MTMR3: variants seen among roughly 807,000 people sequenced by gnomAD.
MTMR3 encodes myotubularin related protein 3.
A neutral mutation model predicts 132.4 loss-of-function variants in MTMR3; 32 were observed. That is an observed-to-expected ratio of 0.24 (90% confidence interval 0.18 to 0.32). The LOEUF is 0.32. Ranked by LOEUF, MTMR3 falls within the 10% of genes least tolerant of loss-of-function variation. The pLI, the probability that MTMR3 is intolerant of heterozygous loss-of-function variation, is 1.00. For missense variants in MTMR3, 1,216 were observed against 1,489.6 expected (o/e 0.82, Z 3.02); for synonymous variants, 556 against 550.3 (o/e 1.01, Z -0.14).
At chr22:29,939,075 G>A (rs1224590081) in intron 1 of MTMR3, among the ~76,000 whole-genome samples, 1 of 152,134 alleles carries the variant, frequency 6.6e-6, no homozygotes, top group African/African-American at 2.4e-5. Context: ...ACCCGCCTCG[G>A]CCTCCCAAAG....
At chr22:29,999,060 C>T (rs56978667) in intron 8 of MTMR3, 4,837 of 394,242 alleles carry the variant, frequency 0.012, 214 homozygotes, top group African/African-American at 0.095. Context: ...CCTTACTTAA[C>T]AGGATCCTAG....
rs34210747 is a variant in MTMR3, at chr22:29,931,780, CTT to C, written c.-137-25240_-137-25239del. 1.2e-3 allele frequency among the ~76,000 whole-genome samples: 163 copies of C among 140,916 alleles called. 2 individuals are homozygous for C. The South Asian group carries it at 0.017, about 15-fold the overall frequency. 92.4% of individuals were successfully genotyped at this position (140,916 alleles called of 152,430 possible). A position where few individuals can be genotyped will look rare whatever the true frequency, so the allele number is the denominator to read the frequency against. ...TCCTCCTAGAAGGGGAGAGAGAATC[CTT>C]TTTTTTTTTTTTTTTAAAGCAGATT... is the stretch of plus-strand genomic sequence containing the variant. On this transcript the variant is annotated intron_variant, in intron 1 of 19. Transcript: ENST00000401950.
At chr22:29,911,319 C>T (rs553385999) in intron 1 of MTMR3, among the ~76,000 whole-genome samples, 9 of 152,060 alleles carry the variant, frequency 5.9e-5, no homozygotes, top group East Asian at 3.9e-4. Context: ...TGAGGCAAGA[C>T]GATTGCTTGA....
At chr22:29,936,883 C>T (rs1485340164) in intron 1 of MTMR3, among the ~76,000 whole-genome samples, 1 of 151,886 alleles carries the variant, frequency 6.6e-6, no homozygotes, top group Non-Finnish European at 1.5e-5. Flanking sequence ...AAAATATGGC[C>T]CCTCATGCTA....
intron 7 of MTMR3, chr22:29,992,980 G>A (rs2066993486): frequency 6.6e-6 from 1 of 152,218 alleles, no homozygotes; most frequent in African/African-American, 2.4e-5. Flanking sequence ...TAAAAAGCCT[G>A]TTGTCAAGTC....
chr22:29,898,317 T>C (rs749119219), intron 1 of MTMR3, among the ~76,000 whole-genome samples: 1 of 152,222 alleles, frequency 6.6e-6, no homozygotes, highest in African/African-American at 2.4e-5. Context: ...ATAATAATAG[T>C]GTGCAGGTTT....
intron 1 of MTMR3, among the ~76,000 whole-genome samples, chr22:29,955,917 A>G (rs2066180310): frequency 6.6e-6 from 1 of 151,992 alleles, no homozygotes; most frequent in South Asian, 2.1e-4. Flanking sequence ...ACACCCAGCT[A>G]ATTTTTGTAT....
chr22:29,975,899 C>T (rs2066620412), intron 3 of MTMR3, among the ~76,000 whole-genome samples: 1 of 152,218 alleles, frequency 6.6e-6, no homozygotes, highest in African/African-American at 2.4e-5. Context: ...AGCCGTGTAC[C>T]TGGCCAGTGG....
At position 30,020,218 on chromosome 22, in the gene MTMR3, G is replaced by C. The variant is rs951386459; in HGVS notation, c.2559G>C (p.Lys853Asn). The change falls in exon 17 of 20, where the codon AAG (lysine) becomes AAC (asparagine). Residue 853 changes from lysine to asparagine, a missense_variant. Transcript: ENST00000401950. Reference sequence around the variant, plus strand: ...CTACAGACATGTTAGTGGAAGATAAGGTGAAGTCAGTAAGTGGGCCCCAAG... The same window carrying C: ...CTACAGACATGTTAGTGGAAGATAACGTGAAGTCAGTAAGTGGGCCCCAAG... ...DSSTDMLVED[K>N]VKSVSGPQGH... 3.7e-6 allele frequency: 6 copies of C among 1,614,086 alleles called. No homozygotes were observed. The highest frequency in any genetic ancestry group is 2.7e-5 in the African/African-American group (2 of 74,926).
intron 12 of MTMR3, chr22:30,009,672 T>C (rs558706700): frequency 1.3e-5 from 2 of 152,724 alleles, no homozygotes; most frequent in East Asian, 1.9e-4. Flanking sequence ...TTATTAAATA[T>C]GAATGGCTGG....
intron 5 of MTMR3, chr22:29,986,668 T>G (rs1237950559): frequency 1.2e-6 from 1 of 865,288 alleles, no homozygotes; most frequent in Non-Finnish European, 1.4e-6. Flanking sequence ...TCTTTTCTTT[T>G]TTTTTTGTTT....
intron 10 of MTMR3, 161 bp from the exon 11 acceptor site, chr22:30,007,740 A>G: frequency 1.2e-6 from 1 of 825,646 alleles, no homozygotes; most frequent in African/African-American, 1.7e-5. Context: ...AGAAGGCCAC[A>G]TAGAAAAAAA....
intron 1 of MTMR3, among the ~76,000 whole-genome samples, chr22:29,888,815 C>T (rs1721132406): frequency 6.9e-6 from 1 of 144,422 alleles, no homozygotes; most frequent in Non-Finnish European, 1.5e-5. Context: ...GCTCTGTTGC[C>T]CAGGCTGGAG....
At chr22:29,991,066 A>C (rs1298837184) in intron 6 of MTMR3, 1 of 153,128 alleles carries the variant, frequency 6.5e-6, no homozygotes. Context: ...TTACTACCTA[A>C]CTGGCTAAAA....
chr22:29,939,509 A>G (rs1481604991), intron 1 of MTMR3, among the ~76,000 whole-genome samples: 1 of 152,214 alleles, frequency 6.6e-6, no homozygotes, highest in African/African-American at 2.4e-5. Flanking sequence ...AGCTAAAACT[A>G]CTTTTAGCAA....
At chr22:29,909,843 T>G (rs967444271) in intron 1 of MTMR3, among the ~76,000 whole-genome samples, 2 of 152,156 alleles carry the variant, frequency 1.3e-5, no homozygotes, top group Non-Finnish European at 1.5e-5. Context: ...AGATCGAGCT[T>G]GAAAGAAATT....
At chr22:30,022,391 GGGT>G in intron 18 of MTMR3, 1 of 500,760 alleles carries the variant, frequency 2.0e-6, no homozygotes, top group African/African-American at 2.1e-5. Context: ...CAGTGACCCA[GGGT>G]GCTGCTGCCT....
intron 1 of MTMR3, among the ~76,000 whole-genome samples, chr22:29,942,609 C>T (rs950872501): frequency 6.6e-6 from 1 of 152,190 alleles, no homozygotes; most frequent in Non-Finnish European, 1.5e-5. Flanking sequence ...AGATAGCCGT[C>T]CCCAAAGCGG....
At chr22:29,983,267 A>G (rs537430545) in intron 5 of MTMR3, 2 of 152,336 alleles carry the variant, frequency 1.3e-5, no homozygotes, top group African/African-American at 4.8e-5. Flanking sequence ...AAAATGTAGA[A>G]CAAGTTTCTG....
Sources: allele counts gnomAD v4.1 joint callset (sites outside exome capture counted in the v4.1 genomes callset), GRCh38; gene constraint gnomAD v4.1.1; transcripts MANE v1.5; gene names NCBI Gene and HGNC (gene_info 2026-07-23, HGNC 2026-07-21).